ATP2C1: variants seen among roughly 807,000 people sequenced by gnomAD.
ATP2C1 encodes ATPase secretory pathway Ca2+ transporting 1, also known as calcium-transporting ATPase type 2C member 1.
A neutral mutation model predicts 120.5 loss-of-function variants in ATP2C1; 31 were observed. That is an observed-to-expected ratio of 0.26 (90% confidence interval 0.19 to 0.35). The LOEUF (loss-of-function observed/expected upper bound fraction) is 0.35. Ranked by LOEUF, ATP2C1 falls within the 10% of genes least tolerant of loss-of-function variation. The pLI is 1.00. For missense variants in ATP2C1, 731 were observed against 1,107.5 expected (o/e 0.66, Z 4.83); for synonymous variants, 351 against 358.7 (o/e 0.98, Z 0.24).
At chr3:131,010,349 C>T (rs1418996467) in intron 26 of ATP2C1, among the ~76,000 whole-genome samples, 2 of 152,028 alleles carry the variant, frequency 1.3e-5, no homozygotes, top group Admixed American at 1.3e-4. Context: ...CGCCACCACA[C>T]CCGGCTGATA....
chr3:130,886,313 G>T (rs1322897146), intron 1 of ATP2C1, among the ~76,000 whole-genome samples: 1 of 152,058 alleles, frequency 6.6e-6, no homozygotes. Flanking sequence ...TACCTTGGGG[G>T]TAGTCTTTGG....
intron 20 of ATP2C1, 100 bp from the exon 21 acceptor site, chr3:130,992,851 G>A (rs1289679043): frequency 3.3e-5 from 31 of 946,860 alleles, no homozygotes; most frequent in Non-Finnish European, 4.8e-5. Flanking sequence ...ATTAAATACA[G>A]CTTAAATTGA....
intron 2 of ATP2C1, 33 bp from the exon 3 acceptor site, chr3:130,930,383 T>G: frequency 1.5e-6 from 2 of 1,348,668 alleles, no homozygotes; most frequent in South Asian, 1.2e-5. Flanking sequence ...GTTTGCTATA[T>G]TCAAATATTT....
chr3:130,935,496 G>A (rs539636531), intron 5 of ATP2C1, among the ~76,000 whole-genome samples: 63 of 152,296 alleles, frequency 4.1e-4, no homozygotes, highest in Non-Finnish European at 6.0e-4. Flanking sequence ...GCAAGTAAAA[G>A]CACTTATGCT....
At chr3:130,954,524 C>T (rs1322447305) in intron 9 of ATP2C1, among the ~76,000 whole-genome samples, 2 of 152,026 alleles carry the variant, frequency 1.3e-5, no homozygotes, top group African/African-American at 2.4e-5. Flanking sequence ...CTCACTTTGT[C>T]GTCCAGGCTG....
chr3:130,905,976 G>GCACA (rs893806948), intron 2 of ATP2C1, among the ~76,000 whole-genome samples: 1 of 152,032 alleles, frequency 6.6e-6, no homozygotes, highest in African/African-American at 2.4e-5. Flanking sequence ...TGTTCTGTAT[G>GCACA]CACAGTTTTA....
rs961993174 is a variant in ATP2C1 at position 130,978,070 on chromosome 3, C to T, written c.1571-1179C>T. ...TAGTGCCACCCCTCCATTAGGAGTG[C>T]GCAGAGCTGATCTTTCCGTCTTAGG... On this transcript the variant is annotated intron_variant, in intron 18 of 27. Transcript: ENST00000510168. 7.9e-5 allele frequency among the ~76,000 whole-genome samples: 12 copies of T among 152,204 alleles called. 1 individual carries two copies. The highest frequency in any genetic ancestry group is 6.2e-4 in the South Asian group (3 of 4,820).
chr3:130,884,103 G>A lies in ATP2C1; in HGVS notation c.108+33175G>A, dbSNP rs375769579. ...TTACAGGCTCTGGCCACCATGCCTG[G>A]CTAATTTTTGTACTTTTAGTAGAGA... is the stretch of plus-strand genomic sequence containing the variant. On this transcript the variant is annotated intron_variant, in intron 1 of 26. Coordinates refer to the ATP2C1 transcript ENST00000504381. Among the ~76,000 whole-genome samples the A allele has an allele frequency of 2.6e-4, 40 of 151,784 alleles. 1 individual carries two copies. In the East Asian group the frequency reaches 7.8e-3, roughly 30 times the overall value.
At chr3:130,871,224 A>G (rs2068418306) in intron 1 of ATP2C1, among the ~76,000 whole-genome samples, 1 of 152,232 alleles carries the variant, frequency 6.6e-6, no homozygotes, top group African/African-American at 2.4e-5. Flanking sequence ...TATTTGCTTT[A>G]TTGTGGTGGT....
chr3:130,994,218 C>T (rs1249855140), intron 22 of ATP2C1, 120 bp downstream of exon 22: 6 of 1,147,962 alleles, frequency 5.2e-6, no homozygotes, highest in African/African-American at 3.1e-5. Flanking sequence ...AACTAAACCA[C>T]TTTTCTAGGG....
chr3:130,910,180 T>C (rs1216498791), intron 2 of ATP2C1, among the ~76,000 whole-genome samples: 1 of 152,030 alleles, frequency 6.6e-6, no homozygotes, highest in Non-Finnish European at 1.5e-5. Flanking sequence ...GTAAGCTGGA[T>C]TCCTAGGTAT....
At chr3:130,913,356 CA>C (rs2058533677) in intron 2 of ATP2C1, among the ~76,000 whole-genome samples, 1 of 152,012 alleles carries the variant, frequency 6.6e-6, no homozygotes, top group African/African-American at 2.4e-5. Context: ...GTATGCTATT[CA>C]GTATTTATCT....
At chr3:130,946,606 G>A (rs1193523129) in intron 8 of ATP2C1, among the ~76,000 whole-genome samples, 1 of 152,132 alleles carries the variant, frequency 6.6e-6, no homozygotes, top group Non-Finnish European at 1.5e-5. Context: ...TCCACGTTGG[G>A]TAAATCCATT....
Position 130,979,348 on chromosome 3 carries a change from C to T in ATP2C1, c.1670C>T (p.Thr557Ile). The change falls in exon 19 of 28, where the codon ACA (threonine) becomes ATA (isoleucine). Residue 557 changes from threonine to isoleucine, a missense_variant. Coordinates refer to ENST00000510168, the MANE Select transcript of ATP2C1 (RefSeq NM_001378687.1). ...PPRTGVKEAV[T>I]TLIASGVSIK... ...AGAACTGGTGTGAAAGAAGCTGTTA[C>T]AACACTCATTGCCTCAGGAGTATCA... The T allele has an allele frequency of 1.2e-6, 2 of 1,613,718 alleles. No individual in the cohort carries two copies. Among genetic ancestry groups the T allele is most frequent in the Non-Finnish European group, 8.5e-7 (1 of 1,179,760 alleles).
chr3:131,013,125 T>C (rs2063398354), intron 26 of ATP2C1, among the ~76,000 whole-genome samples: 1 of 152,234 alleles, frequency 6.6e-6, no homozygotes, highest in Admixed American at 6.5e-5. Context: ...CTTGGTTCTC[T>C]TTATTTTCAA....
chr3:130,956,669 A>G (rs1458794124), intron 11 of ATP2C1, among the ~76,000 whole-genome samples: 1 of 151,906 alleles, frequency 6.6e-6, no homozygotes, highest in African/African-American at 2.4e-5. Flanking sequence ...TTTTTTAAGG[A>G]AAAATTCTTA....
chr3:130,967,725 G>A (rs556816551), intron 16 of ATP2C1, among the ~76,000 whole-genome samples: 1 of 152,306 alleles, frequency 6.6e-6, no homozygotes, highest in South Asian at 2.1e-4. Context: ...TTATAAATGT[G>A]TGTAATTGCT....
chr3:130,881,351 TCCTCC>T (rs2068774074), intron 1 of ATP2C1, among the ~76,000 whole-genome samples: 1 of 109,650 alleles, frequency 9.1e-6, no homozygotes, highest in African/African-American at 2.9e-5. Context: ...CTTCTTCTCC[TCCTCC>T]TCCTCCTCCC....
At chr3:130,921,512 G>A (rs990497449) in intron 2 of ATP2C1, among the ~76,000 whole-genome samples, 3 of 152,124 alleles carry the variant, frequency 2.0e-5, no homozygotes, top group African/African-American at 4.8e-5. Context: ...TAGGGAGAGT[G>A]GGCATCCTTG....
Sources: allele counts gnomAD v4.1 joint callset (sites outside exome capture counted in the v4.1 genomes callset), GRCh38; gene constraint gnomAD v4.1.1; transcripts MANE v1.5; gene names NCBI Gene and HGNC (gene_info 2026-07-23, HGNC 2026-07-21).